NOL6: variants seen among roughly 807,000 people sequenced by gnomAD.
NOL6 encodes the protein nucleolar protein 6, also known as nucleolar RNA-associated protein.
Under a neutral mutation model 131.7 loss-of-function variants are expected in NOL6, and 33 were observed. The observed-to-expected ratio is 0.25, with a 90% CI of 0.19 to 0.33. NOL6 has a LOEUF of 0.33. Ranked by LOEUF, NOL6 falls within the 10% of genes least tolerant of loss-of-function variation. The pLI, the probability that NOL6 is intolerant of heterozygous loss-of-function variation, is 1.00. For synonymous variants in NOL6, 580 were observed against 605.7 expected, an observed-to-expected ratio of 0.96 and a Z score of 0.62; for missense variants, 1,297 against 1,494.5, an observed-to-expected ratio of 0.87 and a Z score of 2.18.
intron 16 of NOL6, 63 bp from the exon 17 acceptor site, chr9:33,466,488 G>T: frequency 6.2e-7 from 1 of 1,612,070 alleles, no homozygotes; most frequent in Non-Finnish European, 8.5e-7. Context: ...AGAGTCAGGA[G>T]TTGGAAGTGG....
chr9:33,465,645 C>G, intron 19 of NOL6, 89 bp downstream of exon 19: 4 of 1,399,842 alleles, frequency 2.9e-6, no homozygotes, highest in Non-Finnish European at 3.9e-6. Flanking sequence ...ATGATACCAT[C>G]TGGCCCCTGG....
rs1827207598 is a variant in NOL6 at position 33,465,254 on chromosome 9, C to G, written c.2634G>C (p.Leu878=). ...GEGFADESLD[L]VAAALFLHPE... ...GGTGCAGGAAAAGGGCAGCGGCCAC[C>G]AGATCCAGGCTCTCATCAGCGAAAC... The change falls in exon 20 of 26, where the codon CTG becomes CTC. Residue 878 remains leucine, a synonymous_variant. Transcript: ENST00000297990. 6.3e-7 allele frequency: 1 copy of G among 1,598,128 alleles called. No homozygotes were observed. Among genetic ancestry groups the G allele is most frequent in the African/African-American group, 1.3e-5 (1 of 74,598 alleles).
At chr9:33,465,996 G>A in intron 18 of NOL6, 75 bp downstream of exon 18, 1 of 1,562,526 alleles carries the variant, frequency 6.4e-7, no homozygotes, top group Non-Finnish European at 8.7e-7. Context: ...GTACCCACAG[G>A]GGTGTCTTCT....
Position 33,467,980 on chromosome 9 carries a change from G to A in NOL6, c.1424+50C>T, listed in dbSNP as rs753502958. 2.5e-6 allele frequency: 4 copies of A among 1,613,248 alleles called. No individual in the cohort carries two copies. In the South Asian group the frequency reaches 4.4e-5, roughly 18 times the overall value. Reference sequence around the variant, plus strand: ...TGAAGACCTTTGCCCCACCACTGTAGCCCCGAAGAGACAGGACCCGCCAAC... The same window carrying A: ...TGAAGACCTTTGCCCCACCACTGTAACCCCGAAGAGACAGGACCCGCCAAC... On this transcript the variant is annotated intron_variant, in intron 11 of 25. Transcript: ENST00000297990. The surrounding 1 kb of genome is among the most constrained non-coding windows in gnomAD (Gnocchi z 4.4).
chr9:33,469,849 G>T, intron 4 of NOL6, 163 bp downstream of exon 4: 1 of 1,004,778 alleles, frequency 1.0e-6, no homozygotes. Context: ...GACAGCAACT[G>T]GCCCGAGGGA....
Position 33,466,061 on chromosome 9 carries a change from C to T in NOL6, c.2364+10G>A. Reference sequence around the variant, plus strand: ...TTCCCTGGGGACATATCTGCCTGCACCAGCCTAACCTTAAGGACATCCGTG... The same window carrying T: ...TTCCCTGGGGACATATCTGCCTGCATCAGCCTAACCTTAAGGACATCCGTG... On this transcript the variant is annotated intron_variant, in intron 18 of 25. Transcript: ENST00000297990. 2 of 1,571,938 alleles carry T rather than the reference C, an allele frequency of 1.3e-6. No individual in the cohort carries two copies. Among genetic ancestry groups the T allele is most frequent in the East Asian group, 2.3e-5 (1 of 44,264 alleles).
In NOL6 at chr9:33,465,721, T is replaced by C; in HGVS notation, c.2528+13A>G. The C allele has an allele frequency of 1.2e-6, 2 of 1,608,262 alleles. No homozygotes were observed. Among genetic ancestry groups the C allele is most frequent in the Admixed American group, 1.7e-5 (1 of 59,504 alleles). Reference sequence around the variant, plus strand: ...GGCCTACAGACAGGAAGAAGCTGTGTCAGTGGCCTTACCCGTGCAGGGCAC... The same window carrying C: ...GGCCTACAGACAGGAAGAAGCTGTGCCAGTGGCCTTACCCGTGCAGGGCAC... On this transcript the variant is annotated intron_variant, in intron 19 of 25. Transcript: ENST00000297990.
At chr9:33,472,516 G>T in intron 1 of NOL6, 104 bp from the exon 2 acceptor site, 1 of 873,792 alleles carries the variant, frequency 1.1e-6, no homozygotes, top group Non-Finnish European at 1.8e-6. Flanking sequence ...CACCTGCTCT[G>T]TCCCTCTTTT....
Position 33,465,800 on chromosome 9 carries a change from G to A in NOL6, c.2462C>T (p.Thr821Ile), listed in dbSNP as rs756187852. 6.2e-7 allele frequency: 1 copy of A among 1,614,002 alleles called. No individual in the cohort carries two copies. Among genetic ancestry groups the A allele is most frequent in the South Asian group, 1.1e-5 (1 of 91,062 alleles). ...TCTCTCAAGGCGGAGGGAGGCAGCT[G>A]TGTCCCTCAGCGAGATCATCCCCTC... Reference protein sequence around the residue: ...SPEGMISLRDTAASLRLERDT... With the variant: ...SPEGMISLRDIAASLRLERDT... Residue 821 changes from threonine (T) to isoleucine (I), a missense_variant, in exon 19 of 26, where the codon ACA becomes ATA. Coordinates refer to ENST00000297990, the MANE Select transcript of NOL6 (RefSeq NM_022917.5).
rs115693717 is a variant in NOL6 at position 33,469,098 on chromosome 9, G to T, written c.886C>A (p.Arg296Ser). The T allele has an allele frequency of 1.9e-6, 3 of 1,614,162 alleles. No individual in the cohort carries two copies. Among genetic ancestry groups the T allele is most frequent in the Non-Finnish European group, 2.5e-6 (3 of 1,180,042 alleles). Residue 296 changes from arginine (R) to serine (S), a missense_variant, in exon 7 of 26, where the codon CGC becomes AGC. Transcript: ENST00000297990. ...GDGSPEPPTP[R>S]YNTWVLQDTV... Reference sequence around the variant, plus strand: ...TCTTGCAGGACCCATGTGTTATAGCGGGGGGTAGGAGGCTCTGGGCTACCT... The same window carrying T: ...TCTTGCAGGACCCATGTGTTATAGCTGGGGGTAGGAGGCTCTGGGCTACCT...
At chr9:33,471,955 C>G in intron 3 of NOL6, 49 bp downstream of exon 3, 1 of 1,275,792 alleles carries the variant, frequency 7.8e-7, no homozygotes, top group Non-Finnish European at 1.1e-6. Flanking sequence ...GATATACCCC[C>G]ACTGGAGGTC....
intron 1 of NOL6, 108 bp downstream of exon 1, chr9:33,473,681 G>A: frequency 3.1e-6 from 4 of 1,311,338 alleles, no homozygotes; most frequent in Non-Finnish European, 4.3e-6. Flanking sequence ...TCCAGAATGG[G>A]CCGCCGGCAT....
Position 33,467,044 on chromosome 9 carries a change from G to A in NOL6, c.1875-57C>T, listed in dbSNP as rs907521155. ...TTTGGGGCTATGTTCTCGCTCAACT[G>A]CCTGGGCCAGACCCCTGAAAAGGCT... On this transcript the variant is annotated intron_variant, in intron 14 of 25. Coordinates refer to ENST00000297990, the MANE Select transcript of NOL6 (RefSeq NM_022917.5). This position sits in a 1 kb window ranked among gnomAD's most constrained non-coding sequence, Gnocchi z 4.4. 1.9e-6 allele frequency: 3 copies of A among 1,613,366 alleles called. No homozygotes were observed. In the African/African-American group the frequency reaches 4.0e-5, roughly 22 times the overall value.
Position 33,461,577 on chromosome 9 carries a change from A to G in NOL6, c.*1087T>C, listed in dbSNP as rs1490649177. 2 of 152,500 alleles carry G rather than the reference A, an allele frequency of 1.3e-5. No individual in the cohort carries two copies. The highest frequency in any genetic ancestry group is 1.3e-4 in the Admixed American group (2 of 15,328). The allele number at this position is 152,500 out of a possible 1,614,324, so 9.4% of individuals were successfully genotyped here. A position where few individuals can be genotyped will look rare whatever the true frequency, so the allele number is the denominator to read the frequency against. On this transcript the variant is annotated 3_prime_UTR_variant, in exon 26 of 26. Transcript: ENST00000297990. The stretch of plus-strand genomic sequence containing the variant: ...GTTGGGATTACAAGCATAAGCCACC[A>G]CGCCCAGCTGCAATTTAATTTTAAA...
In NOL6 at chr9:33,468,078, A is replaced by C. The variant is rs985922840; in HGVS notation, c.1376T>G (p.Leu459Arg). 6.2e-7 allele frequency: 1 copy of C among 1,614,186 alleles called. No homozygotes were observed. Among genetic ancestry groups the C allele is most frequent in the Non-Finnish European group, 8.5e-7 (1 of 1,180,028 alleles). Residue 459 changes from leucine (L) to arginine (R), a missense_variant, in exon 11 of 26, where the codon CTG becomes CGG. By Grantham distance (102) the Leu-to-Arg change is moderately radical (BLOSUM62 -2). Coordinates refer to ENST00000297990, the MANE Select transcript of NOL6 (RefSeq NM_022917.5). ...GATCATGGGTTTGGGAGTCATCAAC[A>C]GCAGGTGGAACCCGTCGTCAGCTCT... The part of the protein sequence containing the change: ...DSRADDGFHL[L>R]LMTPKPMIRA...
chr9:33,473,914 C>T lies in NOL6; in HGVS notation c.-72G>A. ...TATACCTCATAGCTTCCCACGTGGG[C>T]GGAAATGCCTAACTCCAGGCCCAAG... On this transcript the variant is annotated 5_prime_UTR_variant, in exon 1 of 26. Coordinates refer to ENST00000297990, the MANE Select transcript of NOL6 (RefSeq NM_022917.5). The T allele has an allele frequency of 1.9e-6, 3 of 1,559,186 alleles. No individual in the cohort carries two copies. Among genetic ancestry groups the T allele is most frequent in the Admixed American group, 3.4e-5 (2 of 58,168 alleles).
In NOL6 at chr9:33,462,940, G is replaced by A. The variant is rs142359994; in HGVS notation, c.3291+93C>T. 567 of 1,538,876 alleles carry A rather than the reference G, an allele frequency of 3.7e-4. 5 individuals carry two copies. In the East Asian group the frequency reaches 0.011, roughly 31 times the overall value. ...CCCATACACTCCGCACCTGACACGG[G>A]TTTGCCCATAGGACAGACTACACAC... On this transcript the variant is annotated intron_variant, in intron 25 of 25. Coordinates refer to ENST00000297990, the MANE Select transcript of NOL6 (RefSeq NM_022917.5).
Position 33,469,253 on chromosome 9 carries a change from G to T in NOL6, c.816C>A (p.Asn272Lys), listed in dbSNP as rs1187579695. The change falls in exon 6 of 26, where the codon AAC (asparagine) becomes AAA (lysine). Residue 272 changes from asparagine to lysine, a missense_variant. By Grantham distance (94) the Asn-to-Lys change is moderately conservative. Transcript: ENST00000297990. ...CTCGGTACCAGGCAGAGCGCACATT[G>T]TTCTTGGTTGGCAGCAAGCGGCACG... is the stretch of plus-strand genomic sequence containing the variant. ...FRPCRLLPTK[N>K]NVRSAWYRGQ... The T allele has an allele frequency of 1.7e-5, 28 of 1,614,196 alleles. No individual in the cohort carries two copies. The highest frequency in any genetic ancestry group is 2.4e-5 in the Non-Finnish European group (28 of 1,180,036).
intron 3 of NOL6, among the ~76,000 whole-genome samples, chr9:33,471,438 CCTT>C (rs1827409199): frequency 6.6e-6 from 1 of 152,176 alleles, no homozygotes; most frequent in Non-Finnish European, 1.5e-5. Flanking sequence ...GAACTCATCT[CCTT>C]CTGTATTCCT....
Sources: allele counts gnomAD v4.1 joint callset (sites outside exome capture counted in the v4.1 genomes callset), GRCh38; gene constraint gnomAD v4.1.1; non-coding constraint Gnocchi (gnomAD v3.1); transcripts MANE v1.5; gene names NCBI Gene and HGNC (gene_info 2026-07-23, HGNC 2026-07-21).